ZSWIM2: variants seen among roughly 807,000 people sequenced by gnomAD.
ZSWIM2 encodes E3 ubiquitin-protein ligase ZSWIM2.
In ZSWIM2, 38 loss-of-function variants were observed where a neutral mutation model predicts 48.4. The ratio of observed to expected loss-of-function variants is 0.79; its 90% CI spans 0.61 to 1.03. The LOEUF (loss-of-function observed/expected upper bound fraction) is 1.03, where lower values mean the gene tolerates loss of function less well. Ranked by LOEUF, ZSWIM2 falls within the 50% of genes least tolerant of loss-of-function variation. The probability of loss-of-function intolerance (pLI) is 0.00; values close to 1 mark genes in which losing one functional copy is unlikely to be tolerated. For synonymous variants in ZSWIM2, 240 were observed against 251.3 expected, an observed-to-expected ratio of 0.96 and a Z score of 0.42; for missense variants, 776 against 730.2, an observed-to-expected ratio of 1.06 and a Z score of -0.72.
chr2:186,838,958 C>A lies in ZSWIM2; in HGVS notation c.494+1G>T. 1 of 1,603,720 alleles carries A rather than the reference C, an allele frequency of 6.2e-7. No individual in the cohort carries two copies. Among genetic ancestry groups the A allele is most frequent in the Non-Finnish European group, 8.5e-7 (1 of 1,174,614 alleles). On this transcript the variant is annotated splice_donor_variant, in intron 4 of 8. Transcript: ENST00000295131. LOFTEE classifies it high-confidence loss of function. Reference sequence around the variant, plus strand: ...AAGAATCTAAAGAAAAAGTACATCACCTGCAAAAGGTGACAGGAAGCTTTT... The same window carrying A: ...AAGAATCTAAAGAAAAAGTACATCAACTGCAAAAGGTGACAGGAAGCTTTT...
chr2:186,840,960 A>T (rs1169152889), intron 3 of ZSWIM2, among the ~76,000 whole-genome samples: 1 of 151,512 alleles, frequency 6.6e-6, no homozygotes, highest in South Asian at 2.1e-4. Context: ...CACATAAAAC[A>T]CAAATAGTAA....
In ZSWIM2 at chr2:186,827,900, G is replaced by A; in HGVS notation, c.*84C>T. Reference sequence around the variant, plus strand: ...CCAACAGAGAATTTTATATACATTTGTCAAGACTATGTGTGCTTTTTATGT... The same window carrying A: ...CCAACAGAGAATTTTATATACATTTATCAAGACTATGTGTGCTTTTTATGT... On this transcript the variant is annotated 3_prime_UTR_variant, in exon 9 of 9. Transcript: ENST00000295131. The A allele has an allele frequency of 1.7e-6, 2 of 1,170,378 alleles. No homozygotes were observed. The highest frequency in any genetic ancestry group is 2.3e-6 in the Non-Finnish European group (2 of 861,632). The allele number at this position is 1,170,378 out of a possible 1,614,324, so 72.5% of individuals were successfully genotyped here.
At chr2:186,847,606 C>T (rs1474842811) in intron 2 of ZSWIM2, 113 bp downstream of exon 2, 9 of 625,262 alleles carry the variant, frequency 1.4e-5, no homozygotes, top group Admixed American at 1.3e-4. Context: ...CTTTATATTC[C>T]CCAAACACCA....
chr2:186,834,153 G>T, intron 5 of ZSWIM2, 123 bp from the exon 6 acceptor site: 1 of 664,842 alleles, frequency 1.5e-6, no homozygotes, highest in Non-Finnish European at 2.6e-6. Flanking sequence ...TTCACCTCAA[G>T]TCACACTGTG....
Position 186,829,783 on chromosome 2 carries a change from A to G in ZSWIM2, c.1039T>C (p.Cys347Arg). The G allele has an allele frequency of 6.2e-7, 1 of 1,613,690 alleles. No individual in the cohort carries two copies. Residue 347 changes from cysteine to arginine, a missense_variant, in exon 8 of 9, where the codon TGT becomes CGT. Coordinates refer to ENST00000295131, the MANE Select transcript of ZSWIM2 (RefSeq NM_182521.3). ...TGACCAAGATGAAATGCCTTCAAAC[A>G]AAGTAGACACTGGTAGCCTGGAGCA... ...LLAPGYQCLLCLKAFHLGQHT... is the reference protein window; with the variant it reads ...LLAPGYQCLLRLKAFHLGQHT...
Position 186,847,780 on chromosome 2 carries a change from G to C in ZSWIM2, c.181C>G (p.Pro61Ala). 6.2e-7 allele frequency: 1 copy of C among 1,605,016 alleles called. No homozygotes were observed. The highest frequency in any genetic ancestry group is 8.5e-7 in the Non-Finnish European group (1 of 1,175,284). The change falls in exon 2 of 9, where the codon CCT becomes GCT. Residue 61 changes from proline to alanine, a missense_variant. Transcript: ENST00000295131. The stretch of plus-strand genomic sequence containing the variant: ...AATGTGGAACAGTTACAAACGTGAG[G>C]ATTTCCTAGAAAAACCTTTAAAGGA... ...YMDFRVFLGN[P>A]HVCNCSTFPK...
In ZSWIM2 at chr2:186,844,333, C is replaced by T. The variant is rs947508447; in HGVS notation, c.283+384G>A. ...AAACATTTTTGAATAAAATAATGTG[C>T]CATGCCAACAGTCTATTTCTGGGAT... On this transcript the variant is annotated intron_variant, in intron 3 of 8. Transcript: ENST00000295131. 3.1e-4 allele frequency among the ~76,000 whole-genome samples: 47 copies of T among 151,454 alleles called. 1 individual carries two copies. Among genetic ancestry groups the T allele is most frequent in the African/African-American group, 1.1e-3 (46 of 41,364 alleles).
At chr2:186,838,233 TAAAAA>T (rs1559114098) in intron 4 of ZSWIM2, among the ~76,000 whole-genome samples, 19 of 149,930 alleles carry the variant, frequency 1.3e-4, no homozygotes, top group African/African-American at 4.4e-4. Context: ...ATAAAAAAAT[TAAAAA>T]TAAAATAAAA....
intron 8 of ZSWIM2, among the ~76,000 whole-genome samples, chr2:186,829,332 T>C (rs1056625086): frequency 6.6e-6 from 1 of 152,146 alleles, no homozygotes; most frequent in Non-Finnish European, 1.5e-5. Flanking sequence ...ATTATGCTGA[T>C]TCTAATGAGT....
In ZSWIM2 at chr2:186,839,084, T is replaced by C; in HGVS notation, c.369A>G (p.Thr123=). The C allele has an allele frequency of 6.2e-7, 1 of 1,612,100 alleles. No homozygotes were observed. Among genetic ancestry groups the C allele is most frequent in the Non-Finnish European group, 8.5e-7 (1 of 1,178,558 alleles). The change falls in exon 4 of 9, where the codon ACA becomes ACG. Residue 123 remains threonine (T), a synonymous_variant. Coordinates refer to ENST00000295131, the MANE Select transcript of ZSWIM2 (RefSeq NM_182521.3). ...CTTCAACATGTTCATTTTCGTCATT[T>C]GTTCCTGGTTGGGGAGTTTGAACTC... ...IHRVQTPQPG[T]NDENEHVEED...
intron 1 of ZSWIM2, among the ~76,000 whole-genome samples, chr2:186,848,167 T>G (rs916787622): frequency 5.3e-5 from 8 of 152,206 alleles, no homozygotes; most frequent in Non-Finnish European, 7.4e-5. Context: ...TTTTGTTTGG[T>G]GCATTTGAGT....
At chr2:186,843,466 G>C (rs1691944358) in intron 3 of ZSWIM2, among the ~76,000 whole-genome samples, 2 of 151,460 alleles carry the variant, frequency 1.3e-5, no homozygotes, top group African/African-American at 2.4e-5. Flanking sequence ...GAGGAAAGTG[G>C]AACAAAGGTA....
Position 186,837,318 on chromosome 2 carries a change from C to G in ZSWIM2, c.731G>C (p.Gly244Ala), listed in dbSNP as rs752535449. The change falls in exon 5 of 9, where the codon GGG becomes GCG. Residue 244 changes from glycine (G) to alanine (A), a missense_variant. Transcript: ENST00000295131. The stretch of plus-strand genomic sequence containing the variant: ...GGATAACACTTACTTATAACACTTC[C>G]CCTCAATTGGAAACTGTTTGCAGTT... ...CNNCKQFPIE[G>A]KCYKCTECIE... 3 of 1,612,554 alleles carry G rather than the reference C, an allele frequency of 1.9e-6. No homozygotes were observed. Among genetic ancestry groups the G allele is most frequent in the Middle Eastern group, 1.7e-4 (1 of 6,050 alleles).
chr2:186,833,244 A>G lies in ZSWIM2; in HGVS notation c.829-12T>C. ...TTTTGGTTTCTTTTCTGTAATAGGT[A>G]AAAGTAGATGTTACTTTGCAAAGTC... is the stretch of plus-strand genomic sequence containing the variant. On this transcript the variant is annotated splice_polypyrimidine_tract_variant and intron_variant, in intron 6 of 8. Coordinates refer to ENST00000295131, the MANE Select transcript of ZSWIM2 (RefSeq NM_182521.3). The G allele has an allele frequency of 7.5e-7, 1 of 1,334,682 alleles. No individual in the cohort carries two copies. The highest frequency in any genetic ancestry group is 1.0e-6 in the Non-Finnish European group (1 of 971,956). 82.7% of individuals were successfully genotyped at this position (1,334,682 alleles called of 1,614,324 possible).
intron 4 of ZSWIM2, among the ~76,000 whole-genome samples, chr2:186,838,104 G>C (rs541197037): frequency 1.7e-4 from 26 of 151,408 alleles, no homozygotes; most frequent in African/African-American, 6.3e-4. Context: ...GAAGAAAAAA[G>C]AATGATCAGG....
intron 1 of ZSWIM2, among the ~76,000 whole-genome samples, chr2:186,848,232 T>C (rs1692041140): frequency 6.6e-6 from 1 of 152,162 alleles, no homozygotes; most frequent in Admixed American, 6.5e-5. Context: ...CCAAGACTAG[T>C]TTGGCTAAAA....
chr2:186,842,998 TA>T (rs1171057172), intron 3 of ZSWIM2, among the ~76,000 whole-genome samples: 2 of 151,468 alleles, frequency 1.3e-5, no homozygotes, highest in Non-Finnish European at 3.0e-5. Context: ...GAAGACAGTA[TA>T]AAAAAAGTAA....
At position 186,837,344 on chromosome 2, in the gene ZSWIM2, A is replaced by G; in HGVS notation, c.705T>C (p.Asn235=). The G allele has an allele frequency of 6.2e-7, 1 of 1,612,858 alleles. No individual in the cohort carries two copies. The highest frequency in any genetic ancestry group is 8.5e-7 in the Non-Finnish European group (1 of 1,179,188). The stretch of plus-strand genomic sequence containing the variant: ...CCTCAATTGGAAACTGTTTGCAGTT[A>G]TTACAGGGAATCCCAAGGTGTTTGT... The part of the protein sequence containing the change: ...RLDKHLGIPC[N]NCKQFPIEGK... Residue 235 remains asparagine (N), a synonymous_variant, in exon 5 of 9, where the codon AAT becomes AAC. Coordinates refer to ENST00000295131, the MANE Select transcript of ZSWIM2 (RefSeq NM_182521.3).
intron 2 of ZSWIM2, among the ~76,000 whole-genome samples, chr2:186,845,948 G>A (rs570703710): frequency 3.1e-4 from 47 of 151,666 alleles, no homozygotes; most frequent in African/African-American, 9.4e-4. Context: ...AAGAATAAAA[G>A]TGGACTCATA....
Sources: allele counts gnomAD v4.1 joint callset (sites outside exome capture counted in the v4.1 genomes callset), GRCh38; gene constraint gnomAD v4.1.1; transcripts MANE v1.5; gene names NCBI Gene and HGNC (gene_info 2026-07-23, HGNC 2026-07-21).